OTC: variants seen among roughly 807,000 people sequenced by gnomAD.
The protein encoded by OTC is ornithine transcarbamylase, mitochondrial.
In OTC, 3 loss-of-function variants were observed where a neutral mutation model predicts 30.3. The observed-to-expected ratio is 0.10, with a 90% CI of 0.05 to 0.26. The LOEUF (loss-of-function observed/expected upper bound fraction) is 0.26, where lower values mean the gene tolerates loss of function less well. Among genes scored for constraint, OTC ranks in the 10% least tolerant of loss-of-function variants. The pLI, the probability that OTC is intolerant of heterozygous loss-of-function variation, is 1.00. For missense variants in OTC, 194 were observed against 260.3 expected, an observed-to-expected ratio of 0.75 and a Z score of 1.75; for synonymous variants, 111 against 99.7, an observed-to-expected ratio of 1.11 and a Z score of -0.67.
chrX:38,416,235 T>C (rs1458724031), intron 9 of OTC, among the ~76,000 whole-genome samples: 1 of 111,883 alleles, frequency 8.9e-6, no homozygotes, highest in Non-Finnish European at 1.9e-5. Context: ...GAGTAGCTTT[T>C]TAAGGCCTCC....
At chrX:38,343,484 G>A in the OTC span, among the ~76,000 whole-genome samples, 60 of 112,278 alleles carry the variant, frequency 5.3e-4, no homozygotes, top group South Asian at 8.4e-3. Flanking sequence ...AGAGAACCTC[G>A]TGCTTTGCAT....
chrX:38,359,914 C>CTTTTTTTTTTTTTTTTTTTTTT (rs57184116), intron 1 of OTC, among the ~76,000 whole-genome samples: 1 of 94,524 alleles, frequency 1.1e-5, no homozygotes, highest in Non-Finnish European at 2.1e-5. Flanking sequence ...TTCTTTCTTT[C>CTTTTTTTTTTTTTTTTTTTTTT]TTTTTTTTTT....
chrX:38,386,727 A>C (rs2068405394), intron 4 of OTC, among the ~76,000 whole-genome samples: 1 of 112,277 alleles, frequency 8.9e-6, no homozygotes, highest in Middle Eastern at 4.2e-3. Flanking sequence ...GGTTGTTTCC[A>C]CTTATTGGCT....
chrX:38,402,567 C>A (rs1052482179), intron 5 of OTC, among the ~76,000 whole-genome samples: 7 of 111,952 alleles, frequency 6.3e-5, no homozygotes, highest in African/African-American at 2.3e-4. Context: ...ATGAAACCTA[C>A]AGACACTTCA....
chrX:38,401,077 A>T (rs1366358719), intron 4 of OTC, among the ~76,000 whole-genome samples, 198 bp from the exon 5 acceptor site: 1 of 112,212 alleles, frequency 8.9e-6, no homozygotes, highest in East Asian at 2.8e-4. Flanking sequence ...TCACTGGATA[A>T]GTCGTGGGAG....
intron 1 of OTC, among the ~76,000 whole-genome samples, chrX:38,356,476 GA>G (rs982242212): frequency 1.3e-4 from 15 of 111,384 alleles, no homozygotes; most frequent in Admixed American, 3.8e-4. Context: ...GAGTGAAAAG[GA>G]AAAAAACTCA....
chrX:38,380,013 G>T (rs771933683), intron 3 of OTC, among the ~76,000 whole-genome samples: 1 of 111,818 alleles, frequency 8.9e-6, no homozygotes, highest in African/African-American at 3.2e-5. Context: ...ACTTGTTTTG[G>T]TTGTTGAACT....
chrX:38,331,290 G>A, the OTC span, among the ~76,000 whole-genome samples: 7 of 108,362 alleles, frequency 6.5e-5, no homozygotes, highest in South Asian at 4.1e-4. Flanking sequence ...GTTTCCCTCT[G>A]TTGCCCAGGC....
At chrX:38,377,047 T>A (rs1351627045) in intron 3 of OTC, among the ~76,000 whole-genome samples, 1 of 111,856 alleles carries the variant, frequency 8.9e-6, no homozygotes, top group Non-Finnish European at 1.9e-5. Context: ...TTCTTTTCCT[T>A]AGCACATGGA....
At chrX:38,422,125 A>G (rs1278108483), downstream of OTC, among the ~76,000 whole-genome samples, 2 of 112,323 alleles carry the variant, frequency 1.8e-5, no homozygotes, top group East Asian at 5.5e-4. Context: ...AGACAAAATA[A>G]TGTAATTTCC....
intron 2 of OTC, among the ~76,000 whole-genome samples, chrX:38,369,086 C>T (rs376965376): frequency 9.0e-6 from 1 of 110,932 alleles, no homozygotes; most frequent in East Asian, 2.9e-4. Flanking sequence ...AGTTGTAGTG[C>T]CCCATGTTGT....
chrX:38,363,546 C>T (rs1420787760), intron 1 of OTC, among the ~76,000 whole-genome samples: 1 of 111,851 alleles, frequency 8.9e-6, no homozygotes, highest in Non-Finnish European at 1.9e-5. Context: ...TCAGTGCTTA[C>T]TCCTTAACAT....
intron 1 of OTC, among the ~76,000 whole-genome samples, chrX:38,354,669 T>A: frequency 9.0e-6 from 1 of 111,240 alleles, no homozygotes; most frequent in East Asian, 2.8e-4. Flanking sequence ...TCGGCCCAAA[T>A]CCAAACTTTC....
At chrX:38,354,496 G>T (rs1412633901) in intron 1 of OTC, among the ~76,000 whole-genome samples, 1 of 110,490 alleles carries the variant, frequency 9.1e-6, no homozygotes, top group Non-Finnish European at 1.9e-5. Flanking sequence ...TAATTATTAC[G>T]GATTAAATTT....
At chrX:38,334,099 G>A in the OTC span, among the ~76,000 whole-genome samples, 5 of 112,289 alleles carry the variant, frequency 4.5e-5, no homozygotes, top group African/African-American at 1.6e-4. Context: ...GACAGCAGTT[G>A]TATGAATAGG....
intron 4 of OTC, among the ~76,000 whole-genome samples, chrX:38,400,568 GGA>G (rs1170784566): frequency 8.9e-6 from 1 of 111,879 alleles, no homozygotes; most frequent in Admixed American, 9.4e-5. Context: ...GCGTGGGTAG[GGA>G]GAGAGCCTCA....
chrX:38,353,108 A>G (rs1441302365), intron 1 of OTC, among the ~76,000 whole-genome samples: 3 of 112,277 alleles, frequency 2.7e-5, no homozygotes, highest in East Asian at 2.8e-4. Flanking sequence ...TGGGCTTGCT[A>G]TAAAACAATA....
chrX:38,359,005 T>A (rs2068256496), intron 1 of OTC, among the ~76,000 whole-genome samples: 1 of 111,664 alleles, frequency 9.0e-6, no homozygotes, highest in Non-Finnish European at 1.9e-5. Flanking sequence ...AGCATCTACC[T>A]CTCTACCGCT....
chrX:38,349,168 C>G (rs1420265233), upstream of OTC, among the ~76,000 whole-genome samples: 1 of 110,750 alleles, frequency 9.0e-6, no homozygotes, highest in African/African-American at 3.3e-5. Flanking sequence ...GGAGGTAGTC[C>G]CAGGAAGCAC....
Sources: gnomAD v4.1 joint callset for allele counts (sites outside exome capture counted in the v4.1 genomes callset) on GRCh38, gnomAD v4.1.1 for gene constraint, MANE v1.5 for transcripts, NCBI Gene and HGNC (gene_info 2026-07-23, HGNC 2026-07-21) for gene names.